URI1: variants seen among roughly 807,000 people sequenced by gnomAD.
URI1 encodes the protein URI1 prefoldin like chaperone, also known as unconventional prefoldin RPB5 interactor 1.
Under a neutral mutation model 60.2 loss-of-function variants are expected in URI1, and 39 were observed. The ratio of observed to expected loss-of-function variants is 0.65; its 90% CI spans 0.50 to 0.85. URI1 has a LOEUF of 0.85. Among genes scored for constraint, URI1 ranks in the 40% least tolerant of loss-of-function variants. The pLI is 0.00. For synonymous variants in URI1, 251 were observed against 236.8 expected (o/e 1.06, Z -0.55); for missense variants, 691 against 665.9 (o/e 1.04, Z -0.42).
intron 1 of URI1, chr19:29,957,019 C>A (rs927780545): frequency 2.6e-5 from 17 of 651,884 alleles, no homozygotes; most frequent in Admixed American, 1.9e-4. Flanking sequence ...AAAAAAGTGG[C>A]CCAGAGTAGT....
intron 2 of URI1, among the ~76,000 whole-genome samples, chr19:29,972,081 A>G (rs1197144187): frequency 6.6e-6 from 1 of 152,102 alleles, no homozygotes; most frequent in Non-Finnish European, 1.5e-5. Context: ...CTCCAAGGAA[A>G]TAATTTATAG....
At chr19:30,001,353 G>A (rs1156905998) in intron 4 of URI1, among the ~76,000 whole-genome samples, 1 of 151,832 alleles carries the variant, frequency 6.6e-6, no homozygotes, top group Non-Finnish European at 1.5e-5. Flanking sequence ...AGTATCAGCA[G>A]ATTCTACAAA....
intron 1 of URI1, chr19:29,956,556 G>T: frequency 6.6e-7 from 1 of 1,523,448 alleles, no homozygotes; most frequent in East Asian, 2.3e-5. Context: ...TTCCTTCAAG[G>T]ATTAATTCAT....
intron 4 of URI1, among the ~76,000 whole-genome samples, chr19:29,988,749 G>T (rs1171277525): frequency 6.6e-6 from 1 of 152,194 alleles, no homozygotes; most frequent in Non-Finnish European, 1.5e-5. Context: ...GTAAGCCTTT[G>T]TGTACAGGTT....
At chr19:30,009,468 G>T (rs2145443562) in intron 8 of URI1, 115 bp downstream of exon 8, 1 of 1,053,396 alleles carries the variant, frequency 9.5e-7, no homozygotes, top group Non-Finnish European at 1.4e-6. Flanking sequence ...TGCCAGACAG[G>T]AAAATCATCT....
intron 1 of URI1, among the ~76,000 whole-genome samples, chr19:29,931,910 T>TTGTG (rs56181840): frequency 0.076 from 10,666 of 139,966 alleles, 557 homozygotes; most frequent in African/African-American, 0.14. Context: ...GCTCTAACAG[T>TTGTG]TGTGTGTGTG....
intron 1 of URI1, chr19:29,956,732 A>G (rs1238714754): frequency 1.9e-5 from 29 of 1,567,018 alleles, no homozygotes; most frequent in Middle Eastern, 1.8e-4. Context: ...ATGGAAGCCC[A>G]GTGTAACACC....
rs770885228 is a variant in URI1, at chr19:30,009,024, G to A, written c.706G>A (p.Ala236Thr). ...ELDSKPDTVI[A>T]NGEDTTSSEE... ...TGCTAGTAAGCCTGATACTGTGATTGCAAATGGAGAAGATACGACATCTTC... is the reference window on the plus strand; with the variant it reads ...TGCTAGTAAGCCTGATACTGTGATTACAAATGGAGAAGATACGACATCTTC... Residue 236 changes from alanine (A) to threonine (T), a missense_variant, in exon 8 of 11, where the codon GCA becomes ACA. Coordinates refer to ENST00000392271, the MANE Select transcript of URI1 (RefSeq NM_003796.3). 1.2e-6 allele frequency: 2 copies of A among 1,610,370 alleles called. No individual in the cohort carries two copies. Among genetic ancestry groups the A allele is most frequent in the East Asian group, 4.5e-5 (2 of 44,780 alleles).
intron 1 of URI1, among the ~76,000 whole-genome samples, chr19:29,929,597 A>C (rs1193254182): frequency 6.6e-6 from 1 of 152,186 alleles, no homozygotes; most frequent in African/African-American, 2.4e-5. Flanking sequence ...ACTCCATCTC[A>C]AAAAATTAAA....
chr19:29,955,088 G>A (rs1238086998), intron 1 of URI1, among the ~76,000 whole-genome samples: 2 of 151,140 alleles, frequency 1.3e-5, no homozygotes, highest in African/African-American at 4.9e-5. Flanking sequence ...CCGCCTCCCG[G>A]GTTCATGCTA....
intron 2 of URI1, among the ~76,000 whole-genome samples, chr19:29,982,719 A>G (rs556327679): frequency 2.0e-5 from 3 of 152,318 alleles, no homozygotes; most frequent in African/African-American, 7.2e-5. Flanking sequence ...TCAGCAAGTT[A>G]TACTATTTGT....
chr19:29,940,248 C>G (rs1214949923), upstream of URI1, among the ~76,000 whole-genome samples: 5 of 152,026 alleles, frequency 3.3e-5, no homozygotes, highest in African/African-American at 7.3e-5. Context: ...ACTGGAGTGT[C>G]TAGGTGGTCT....
At position 30,009,173 on chromosome 19, in the gene URI1, G is replaced by A. The variant is rs769948220; in HGVS notation, c.855G>A (p.Gln285=). The change falls in exon 8 of 11, where the codon CAG becomes CAA. Residue 285 remains glutamine (Q), a synonymous_variant. Coordinates refer to ENST00000392271, the MANE Select transcript of URI1 (RefSeq NM_003796.3). ...SEPFSGQVNS[Q]LNCSVNGSSS... The stretch of plus-strand genomic sequence containing the variant: ...CATTCAGTGGTCAAGTGAATAGTCA[G>A]TTGAACTGTTCAGTGAATGGTTCCA... 32 of 1,613,740 alleles carry A rather than the reference G, an allele frequency of 2.0e-5. No homozygotes were observed. The highest frequency in any genetic ancestry group is 2.6e-5 in the Non-Finnish European group (31 of 1,179,948).
intron 4 of URI1, among the ~76,000 whole-genome samples, chr19:30,003,353 A>T (rs779234211): frequency 3.3e-5 from 5 of 152,046 alleles, no homozygotes. Context: ...TAATAGAGAT[A>T]TATATCTGCA....
intron 4 of URI1, among the ~76,000 whole-genome samples, chr19:29,988,013 C>G (rs1008269675): frequency 1.3e-5 from 2 of 151,854 alleles, no homozygotes; most frequent in African/African-American, 2.4e-5. Flanking sequence ...ACTAAAAATA[C>G]AAAAATTAGC....
intron 1 of URI1, among the ~76,000 whole-genome samples, chr19:29,953,483 A>C (rs1020661281): frequency 6.6e-6 from 1 of 152,212 alleles, no homozygotes; most frequent in Non-Finnish European, 1.5e-5. Context: ...TATAGGCAGA[A>C]AGTAAAAACA....
chr19:30,009,360 A>G lies in URI1; in HGVS notation c.1035+7A>G, dbSNP rs2055990084. On this transcript the variant is annotated splice_region_variant and intron_variant, in intron 8 of 10. Coordinates refer to ENST00000392271, the MANE Select transcript of URI1 (RefSeq NM_003796.3). ...TACTGTTGAGCCTAAGAGGGTTTGT[A>G]TACTTTTAACTTTACTAATTTTGCA... The G allele has an allele frequency of 1.2e-6, 2 of 1,604,404 alleles. No individual in the cohort carries two copies. The highest frequency in any genetic ancestry group is 1.7e-6 in the Non-Finnish European group (2 of 1,172,996).
intron 2 of URI1, among the ~76,000 whole-genome samples, chr19:29,983,616 A>G (rs911534265): frequency 1.3e-5 from 2 of 151,918 alleles, no homozygotes; most frequent in African/African-American, 4.8e-5. Context: ...AAAACTGACA[A>G]CATCCTTCTG....
chr19:29,947,052 G>A (rs923841829), intron 1 of URI1, among the ~76,000 whole-genome samples: 1 of 152,174 alleles, frequency 6.6e-6, no homozygotes, highest in Non-Finnish European at 1.5e-5. Flanking sequence ...TCTCTGTTAG[G>A]TTCCATTTGA....
Sources: allele counts gnomAD v4.1 joint callset (sites outside exome capture counted in the v4.1 genomes callset), GRCh38; gene constraint gnomAD v4.1.1; transcripts MANE v1.5; gene names NCBI Gene and HGNC (gene_info 2026-07-23, HGNC 2026-07-21).